Variants in KMT2A observed in about 807,000 individuals in gnomAD.
KMT2A encodes the protein histone-lysine N-methyltransferase 2A.
In KMT2A, 16 loss-of-function variants were observed where a neutral mutation model predicts 345.3. That is an observed-to-expected ratio of 0.05 (90% confidence interval 0.03 to 0.07). The LOEUF (loss-of-function observed/expected upper bound fraction) is 0.07, where lower values mean the gene tolerates loss of function less well. Among genes scored for constraint, KMT2A ranks in the 10% least tolerant of loss-of-function variants. The probability of loss-of-function intolerance (pLI) is 1.00; values close to 1 mark genes in which losing one functional copy is unlikely to be tolerated. For missense variants in KMT2A, 3,272 were observed against 4,841.6 expected, an observed-to-expected ratio of 0.68 and a Z score of 9.62; for synonymous variants, 1,599 against 1,778.6, an observed-to-expected ratio of 0.90 and a Z score of 2.54.
intron 8 of KMT2A, among the ~76,000 whole-genome samples, chr11:118,483,629 A>T (rs1950181039): frequency 6.6e-6 from 1 of 152,176 alleles, no homozygotes; most frequent in Non-Finnish European, 1.5e-5. Context: ...TAGCCTAGGA[A>T]TCTGCTTATT....
In KMT2A at chr11:118,494,251, G is replaced by A. The variant is rs932699343; in HGVS notation, c.5179-37G>A. ...GAGGAAATGGTTTTCAGAGCACACT[G>A]TTTTAAGAATAATTAACATTTTGTT... On this transcript the variant is annotated intron_variant, in intron 16 of 35. Coordinates refer to ENST00000534358, the MANE Select transcript of KMT2A (RefSeq NM_001197104.2). The surrounding 1 kb of genome is among the most constrained non-coding windows in gnomAD (Gnocchi z 5.8). 2.7e-6 allele frequency: 3 copies of A among 1,100,456 alleles called. No homozygotes were observed. The Admixed American group carries it at 5.1e-5, about 19-fold the overall frequency. The allele number at this position is 1,100,456 out of a possible 1,614,324, so 68.2% of individuals were successfully genotyped here.
At chr11:118,468,302 A>C (rs1324564396) in intron 1 of KMT2A, among the ~76,000 whole-genome samples, 1 of 152,184 alleles carries the variant, frequency 6.6e-6, no homozygotes, top group Non-Finnish European at 1.5e-5. Flanking sequence ...CAATTATGGC[A>C]CTTTCAGTCT....
chr11:118,442,178 G>A (rs1949328506), intron 1 of KMT2A, among the ~76,000 whole-genome samples: 1 of 152,152 alleles, frequency 6.6e-6, no homozygotes, highest in African/African-American at 2.4e-5. Flanking sequence ...TGAATATCTT[G>A]TCTCTTTCCA....
In KMT2A at chr11:118,476,589, T is replaced by C. The variant is rs1016407461; in HGVS notation, c.3157-216T>C. 4.6e-5 allele frequency among the ~76,000 whole-genome samples: 7 copies of C among 152,226 alleles called. No individual in the cohort carries two copies. In the South Asian group the frequency reaches 1.0e-3, roughly 23 times the overall value. ...CAAATGATCTTCCCACCTCAAGCTG[T>C]TTTTTATTTTTTGATTAGAGGCCTT... On this transcript the variant is annotated intron_variant, in intron 3 of 35. Coordinates refer to ENST00000534358, the MANE Select transcript of KMT2A (RefSeq NM_001197104.2). The surrounding 1 kb of genome is among the most constrained non-coding windows in gnomAD (Gnocchi z 4.1).
chr11:118,443,804 C>T (rs971530818), intron 1 of KMT2A, among the ~76,000 whole-genome samples: 10 of 152,168 alleles, frequency 6.6e-5, no homozygotes, highest in South Asian at 4.1e-4. Flanking sequence ...TGTGAAGTAC[C>T]AGTGGGCAGC....
chr11:118,476,713 C>A lies in KMT2A; in HGVS notation c.3157-92C>A. 1 of 987,532 alleles carries A rather than the reference C, an allele frequency of 1.0e-6. No individual in the cohort carries two copies. Among genetic ancestry groups the A allele is most frequent in the Non-Finnish European group, 1.5e-6 (1 of 659,652 alleles). The allele number at this position is 987,532 out of a possible 1,614,324, so 61.2% of individuals were successfully genotyped here. A position where few individuals can be genotyped will look rare whatever the true frequency, so the allele number is the denominator to read the frequency against. On this transcript the variant is annotated intron_variant, in intron 3 of 35. Transcript: ENST00000534358. The surrounding 1 kb of genome is among the most constrained non-coding windows in gnomAD (Gnocchi z 4.1). The stretch of plus-strand genomic sequence containing the variant: ...AGAGTTGTGTGTTTTGATTCTAAAT[C>A]ATACTGAAATTGATTAAGTATACCT...
chr11:118,506,048 A>G lies in KMT2A; in HGVS notation c.10156A>G (p.Ile3386Val), dbSNP rs1555048196. 1.2e-6 allele frequency: 2 copies of G among 1,614,200 alleles called. No homozygotes were observed. Among genetic ancestry groups the G allele is most frequent in the East Asian group, 4.5e-5 (2 of 44,872 alleles). ...PDIGSISNLL[I>V]KASQQSLGIQ... ...TATTGGCTCAATAAGCAATCTTTTA[A>G]TCAAAGCTAGCCAGCAGAGCCTGGG... is the stretch of plus-strand genomic sequence containing the variant. Residue 3386 changes from isoleucine to valine, a missense_variant, in exon 27 of 36, where the codon ATC becomes GTC. By Grantham distance (29) the Ile-to-Val change is conservative. Coordinates refer to ENST00000534358, the MANE Select transcript of KMT2A (RefSeq NM_001197104.2).
rs2134351069 is a variant in KMT2A, at chr11:118,494,723, T to C, written c.5319T>C (p.Ser1773=). Residue 1773 remains serine (S), a synonymous_variant, in exon 18 of 36, where the codon AGT becomes AGC. Transcript: ENST00000534358. The surrounding 1 kb of genome is among the most constrained non-coding windows in gnomAD (Gnocchi z 5.8). ...TGGAACGTGTTTTTCCATGGTTCAG[T>C]GTCAAAAAGTCCAGGTTTTGGGAGC... ...RQMERVFPWF[S]VKKSRFWEPN... 1 of 1,614,116 alleles carries C rather than the reference T, an allele frequency of 6.2e-7. No individual in the cohort carries two copies. Among genetic ancestry groups the C allele is most frequent in the East Asian group, 2.2e-5 (1 of 44,872 alleles).
chr11:118,494,831 T>C lies in KMT2A; in HGVS notation c.5363+64T>C. 7.7e-7 allele frequency: 1 copy of C among 1,301,712 alleles called. No homozygotes were observed. The highest frequency in any genetic ancestry group is 1.1e-6 in the Non-Finnish European group (1 of 906,856). 80.6% of individuals were successfully genotyped at this position (1,301,712 alleles called of 1,614,324 possible). On this transcript the variant is annotated intron_variant, in intron 18 of 35. Transcript: ENST00000534358. This position sits in a 1 kb window ranked among gnomAD's most constrained non-coding sequence, Gnocchi z 5.8. ...GCTAGAAATCTGAGAGTTCTCATATTTCTAGATTGCAGTTTTCCAAAAGGT... is the reference window on the plus strand; with the variant it reads ...GCTAGAAATCTGAGAGTTCTCATATCTCTAGATTGCAGTTTTCCAAAAGGT...
In KMT2A at chr11:118,468,795, T is replaced by C. The variant is rs1949893018; in HGVS notation, c.453T>C (p.Phe151=). 2 of 1,613,094 alleles carry C rather than the reference T, an allele frequency of 1.2e-6. No homozygotes were observed. Among genetic ancestry groups the C allele is most frequent in the Non-Finnish European group, 1.7e-6 (2 of 1,179,254 alleles). The change falls in exon 2 of 36, where the codon TTT becomes TTC. Residue 151 remains phenylalanine, a synonymous_variant. Coordinates refer to ENST00000534358, the MANE Select transcript of KMT2A (RefSeq NM_001197104.2). ...TGTAGGATGAGCAATTCTTAGGTTT[T>C]GGCTCAGATGAAGAAGTCAGAGTGC... ...GSGEDEQFLG[F]GSDEEVRVRS...
rs1555043144 is a variant in KMT2A, at chr11:118,493,398, T to A, written c.5178+168T>A. Among the ~76,000 whole-genome samples the A allele has an allele frequency of 6.6e-6, 1 of 152,258 alleles. No individual in the cohort carries two copies. Among genetic ancestry groups the A allele is most frequent in the East Asian group, 1.9e-4 (1 of 5,202 alleles). On this transcript the variant is annotated intron_variant, in intron 16 of 35. Coordinates refer to ENST00000534358, the MANE Select transcript of KMT2A (RefSeq NM_001197104.2). This position sits in a 1 kb window ranked among gnomAD's most constrained non-coding sequence, Gnocchi z 5.8. ...ATGTATGAGTTATTTTAGCTTTGTGTTTCAGAAGAAGGGTTGTGATAGGGA... is the reference window on the plus strand; with the variant it reads ...ATGTATGAGTTATTTTAGCTTTGTGATTCAGAAGAAGGGTTGTGATAGGGA...
Position 118,502,143 on chromosome 11 carries a change from C to T in KMT2A, c.6506-255C>T, listed in dbSNP as rs542339031. On this transcript the variant is annotated intron_variant, in intron 26 of 35. Coordinates refer to ENST00000534358, the MANE Select transcript of KMT2A (RefSeq NM_001197104.2). The surrounding 1 kb of genome is among the most constrained non-coding windows in gnomAD (Gnocchi z 4.9). ...CGGTGCATGCCTGTAATCCCAGCTA[C>T]CCAGGAGGCTAAGGCAGGAGAATCG... is the stretch of plus-strand genomic sequence containing the variant. Among the ~76,000 whole-genome samples, 4 of 152,004 alleles carry T rather than the reference C, an allele frequency of 2.6e-5. No individual in the cohort carries two copies. The South Asian group carries it at 8.3e-4, about 32-fold the overall frequency.
chr11:118,525,172 A>C lies in KMT2A; in HGVS notation c.*3000A>C, dbSNP rs1555055141. On this transcript the variant is annotated 3_prime_UTR_variant, in exon 36 of 36. Transcript: ENST00000534358. ...AAAGTGACCAAGGGAATCTCCGCAC[A>C]AAAGTGCAGATTGAGGAATTGTGAT... The C allele has an allele frequency of 8.7e-6, 2 of 230,754 alleles. No individual in the cohort carries two copies. The highest frequency in any genetic ancestry group is 6.1e-5 in the East Asian group (1 of 16,292). The allele number at this position is 230,754 out of a possible 1,614,324, so 14.3% of individuals were successfully genotyped here. A position where few individuals can be genotyped will look rare whatever the true frequency, so the allele number is the denominator to read the frequency against.
chr11:118,482,557 C>A, intron 8 of KMT2A, 62 bp downstream of exon 8: 1 of 1,252,244 alleles, frequency 8.0e-7, no homozygotes, highest in Non-Finnish European at 1.2e-6. Flanking sequence ...TAGGGAAAAG[C>A]CTTATCCTTG....
In KMT2A at chr11:118,505,705, G is replaced by C. The variant is rs782364761; in HGVS notation, c.9813G>C (p.Leu3271=). Residue 3271 remains leucine, a synonymous_variant, in exon 27 of 36, where the codon CTG becomes CTC. Coordinates refer to ENST00000534358, the MANE Select transcript of KMT2A (RefSeq NM_001197104.2). This position sits in a 1 kb window ranked among gnomAD's most constrained non-coding sequence, Gnocchi z 4.6. The stretch of plus-strand genomic sequence containing the variant: ...CCCAGCTTCCTAATCATCCAAGTCT[G>C]TTAGATTTGGGGTCACTTAATACTT... ...TPSQLPNHPS[L]LDLGSLNTSS... 1.9e-6 allele frequency: 3 copies of C among 1,613,900 alleles called. No individual in the cohort carries two copies. The African/African-American group carries it at 4.0e-5, about 22-fold the overall frequency.
chr11:118,462,811 G>A (rs1555033114), intron 1 of KMT2A, among the ~76,000 whole-genome samples: 3 of 152,086 alleles, frequency 2.0e-5, no homozygotes, highest in Non-Finnish European at 2.9e-5. Context: ...ATCCTCCCAC[G>A]TCGGCCTCCT....
At chr11:118,485,508 A>T (rs1555040643) in intron 10 of KMT2A, among the ~76,000 whole-genome samples, 1 of 149,782 alleles carries the variant, frequency 6.7e-6, no homozygotes, top group Non-Finnish European at 1.5e-5. Flanking sequence ...AAAGCATGAT[A>T]AAAAAAGAAT....
At chr11:118,455,830 T>C (rs1949631479) in intron 1 of KMT2A, among the ~76,000 whole-genome samples, 1 of 151,826 alleles carries the variant, frequency 6.6e-6, no homozygotes, top group South Asian at 2.1e-4. Flanking sequence ...TCTGAGTAGT[T>C]GAGACTACAC....
chr11:118,453,430 T>C (rs1442567749), intron 1 of KMT2A, among the ~76,000 whole-genome samples: 1 of 152,064 alleles, frequency 6.6e-6, no homozygotes, highest in Non-Finnish European at 1.5e-5. Flanking sequence ...TACTCACCTG[T>C]TTTTCTTCTT....
Sources: allele counts gnomAD v4.1 joint callset (sites outside exome capture counted in the v4.1 genomes callset), GRCh38; gene constraint gnomAD v4.1.1; non-coding constraint Gnocchi (gnomAD v3.1); transcripts MANE v1.5; gene names NCBI Gene and HGNC (gene_info 2026-07-23, HGNC 2026-07-21).